NRK: variants seen among roughly 807,000 people sequenced by gnomAD.
The protein encoded by NRK is nik-related protein kinase.
Under a neutral mutation model 125.2 loss-of-function variants are expected in NRK, and 67 were observed. The observed-to-expected ratio is 0.54, with a 90% CI of 0.44 to 0.66. The LOEUF is 0.66. NRK is among the 30% of genes least tolerant of loss of function. The probability of loss-of-function intolerance (pLI) is 0.00; values close to 1 mark genes in which losing one functional copy is unlikely to be tolerated. For synonymous variants in NRK, 458 were observed against 429.0 expected, an observed-to-expected ratio of 1.07 and a Z score of -0.84; for missense variants, 1,224 against 1,192.9, an observed-to-expected ratio of 1.03 and a Z score of -0.38.
At chrX:105,840,639 C>G (rs979956963) in intron 2 of NRK, among the ~76,000 whole-genome samples, 1 of 110,615 alleles carries the variant, frequency 9.0e-6, no homozygotes, top group African/African-American at 3.3e-5. Flanking sequence ...ACAAAATTGC[C>G]TGATTGCTGC....
At chrX:105,850,337 T>C (rs1467685679) in intron 2 of NRK, among the ~76,000 whole-genome samples, 1 of 111,498 alleles carries the variant, frequency 9.0e-6, no homozygotes, top group African/African-American at 3.3e-5. Context: ...AAAACCACTT[T>C]TTCCTCCTGG....
intron 2 of NRK, 117 bp from the exon 3 acceptor site, chrX:105,880,082 A>G: frequency 3.7e-6 from 1 of 267,988 alleles, no homozygotes; most frequent in Middle Eastern, 9.4e-4. Flanking sequence ...TATATATTTT[A>G]TATTTTATAA....
chrX:105,854,720 G>C (rs2039512273), intron 2 of NRK, among the ~76,000 whole-genome samples: 1 of 111,703 alleles, frequency 9.0e-6, no homozygotes, highest in Non-Finnish European at 1.9e-5. Context: ...GGAATCCTCA[G>C]TTGTAATTGG....
intron 19 of NRK, among the ~76,000 whole-genome samples, chrX:105,925,719 G>A (rs866777014): frequency 2.7e-5 from 3 of 110,989 alleles, no homozygotes; most frequent in East Asian, 2.8e-4. Context: ...TTCTGTTCCT[G>A]GTTTATTTCA....
chrX:105,949,682 A>G lies in NRK; in HGVS notation c.4461A>G (p.Glu1487=). 8.3e-7 allele frequency: 1 copy of G among 1,202,430 alleles called. No individual in the cohort carries two copies. Among genetic ancestry groups the G allele is most frequent in the Non-Finnish European group, 1.1e-6 (1 of 887,444 alleles). Reference sequence around the variant, plus strand: ...AAGCCCTCTCTGTGGAAGCAAATGAACAACTCTTCAAGAAGATCCTTGAAA... The same window carrying G: ...AAGCCCTCTCTGTGGAAGCAAATGAGCAACTCTTCAAGAAGATCCTTGAAA... ...NAEALSVEAN[E]QLFKKILEMW... Residue 1487 remains glutamate (E), a synonymous_variant, in exon 27 of 29, where the codon GAA becomes GAG. Transcript: ENST00000243300.
intron 22 of NRK, 136 bp from the exon 23 acceptor site, chrX:105,939,738 G>A (rs2040712229): frequency 4.9e-6 from 2 of 409,828 alleles, no homozygotes; most frequent in African/African-American, 2.6e-5. Flanking sequence ...AGATTCTGAT[G>A]CAATGCAGTT....
intron 26 of NRK, among the ~76,000 whole-genome samples, chrX:105,948,117 A>C: frequency 9.0e-6 from 1 of 111,181 alleles, no homozygotes; most frequent in Middle Eastern, 4.7e-3. Context: ...TTTATTAAGA[A>C]GCTAGTGCAG....
chrX:105,883,317 T>C (rs973706329), intron 4 of NRK, among the ~76,000 whole-genome samples: 4 of 112,558 alleles, frequency 3.6e-5, no homozygotes, highest in African/African-American at 1.3e-4. Context: ...GGACTTTGAA[T>C]TATCTGATTA....
intron 2 of NRK, among the ~76,000 whole-genome samples, chrX:105,846,175 T>C (rs2039399400): frequency 8.9e-6 from 1 of 112,270 alleles, no homozygotes; most frequent in African/African-American, 3.2e-5. Flanking sequence ...AAAGACCTTA[T>C]GTTCTTCTGT....
chrX:105,869,186 C>G (rs746485412), intron 2 of NRK, among the ~76,000 whole-genome samples: 12 of 110,977 alleles, frequency 1.1e-4, no homozygotes, highest in Non-Finnish European at 1.9e-4. Context: ...CCATAAAGGT[C>G]AATTCAAGGC....
chrX:105,854,594 G>A (rs1369437085), intron 2 of NRK, among the ~76,000 whole-genome samples: 1 of 111,583 alleles, frequency 9.0e-6, no homozygotes, highest in Non-Finnish European at 1.9e-5. Context: ...TTTAATCTGA[G>A]CCCAAGTTGA....
chrX:105,906,530 A>G lies in NRK; in HGVS notation c.962A>G (p.His321Arg), dbSNP rs1268215838. ...PFVRDIKNERHVVESLTRHLT... is the reference protein window; with the variant it reads ...PFVRDIKNERRVVESLTRHLT... ...GTTCGGGATATAAAAAATGAACGAC[A>G]TGTTGTTGAGTCATTAACAAGGCAT... Residue 321 changes from histidine (H) to arginine (R), a missense_variant, in exon 11 of 29, where the codon CAT (histidine) becomes CGT (arginine). Physicochemically the swap from His to Arg is conservative, Grantham distance 29 (BLOSUM62 0). Transcript: ENST00000243300. The G allele has an allele frequency of 2.6e-6, 3 of 1,161,293 alleles. No homozygotes were observed. The highest frequency in any genetic ancestry group is 3.0e-5 in the East Asian group (1 of 32,963).
chrX:105,865,450 C>G (rs1302410325), intron 2 of NRK, among the ~76,000 whole-genome samples: 3 of 111,261 alleles, frequency 2.7e-5, no homozygotes, highest in Middle Eastern at 4.2e-3. Flanking sequence ...CCAGAAAAGA[C>G]CCTTGGAGCC....
In NRK at chrX:105,940,028, T is replaced by C. The variant is rs371108081; in HGVS notation, c.3954T>C (p.Ser1318=). Residue 1318 remains serine (S), a synonymous_variant, in exon 23 of 29, where the codon AGT becomes AGC. Transcript: ENST00000243300. ...IDKLTGCEHF[S]VLQHEETTYI... ...AGTTAACAGGCTGTGAACACTTCAG[T>C]GTCCGTAAGCCACATTTCATGTTTA... is the stretch of plus-strand genomic sequence containing the variant. 20 of 1,162,815 alleles carry C rather than the reference T, an allele frequency of 1.7e-5. No homozygotes were observed. The African/African-American group carries it at 3.4e-4, about 20-fold the overall frequency.
Position 105,909,663 on chromosome X carries a change from T to C in NRK, c.2022T>C (p.Phe674=), listed in dbSNP as rs1429069071. 2 of 1,196,336 alleles carry C rather than the reference T, an allele frequency of 1.7e-6. No homozygotes were observed. Among genetic ancestry groups the C allele is most frequent in the Admixed American group, 4.6e-5 (2 of 43,811 alleles). The change falls in exon 13 of 29, where the codon TTT becomes TTC. Residue 674 remains phenylalanine (F), a synonymous_variant. Transcript: ENST00000243300. ...TLMENLSSNR[F]YSQPEQAREK... is the part of the protein sequence containing the mutation. ...TGGAAAATCTGTCATCAAATAGGTT[T>C]TACTCACAACCAGAACAGGCACGGG...
chrX:105,864,424 A>T (rs2039644243), intron 2 of NRK, among the ~76,000 whole-genome samples: 1 of 111,963 alleles, frequency 8.9e-6, no homozygotes, highest in Non-Finnish European at 1.9e-5. Context: ...AAAATAAAAA[A>T]AATTAATGAA....
intron 3 of NRK, among the ~76,000 whole-genome samples, chrX:105,880,937 G>A (rs2039877015): frequency 9.0e-6 from 1 of 111,279 alleles, no homozygotes. Context: ...ACCCTAAAGG[G>A]AAATTTGTGT....
At position 105,872,032 on chromosome X, in the gene NRK, C is replaced by G. The variant is rs753881685; in HGVS notation, c.124-8167C>G. Among the ~76,000 whole-genome samples the G allele has an allele frequency of 2.7e-5, 3 of 111,409 alleles. No individual in the cohort carries two copies. In the East Asian group the frequency reaches 8.6e-4, roughly 32 times the overall value. ...AGGTTAAAATAGTATTTATTCAACT[C>G]CAGGATCCATCTGCTGAAAGTCAGA... On this transcript the variant is annotated intron_variant, in intron 2 of 28. Transcript: ENST00000243300.
chrX:105,863,612 G>T (rs2039631557), intron 2 of NRK, among the ~76,000 whole-genome samples: 1 of 111,987 alleles, frequency 8.9e-6, no homozygotes, highest in Non-Finnish European at 1.9e-5. Context: ...TTCCTAGAAA[G>T]ATTCATTTTC....
Sources: gnomAD v4.1 joint callset for allele counts (sites outside exome capture counted in the v4.1 genomes callset) on GRCh38, gnomAD v4.1.1 for gene constraint, MANE v1.5 for transcripts, NCBI Gene and HGNC (gene_info 2026-07-23, HGNC 2026-07-21) for gene names.